HIVEP2: variants seen among roughly 807,000 people sequenced by gnomAD.
The protein encoded by HIVEP2 is transcription factor HIVEP2.
HIVEP2 carries 14 observed loss-of-function variants against 180.7 expected under a neutral mutation model. That is an observed-to-expected ratio of 0.08 (90% CI 0.05 to 0.12). The LOEUF (loss-of-function observed/expected upper bound fraction) is 0.12. HIVEP2 is among the 10% of genes least tolerant of loss of function. HIVEP2 has a pLI of 1.00. For synonymous variants in HIVEP2, 1,184 were observed against 1,136.4 expected, an observed-to-expected ratio of 1.04 and a Z score of -0.84; for missense variants, 2,579 against 3,008.5, an observed-to-expected ratio of 0.86 and a Z score of 3.34.
At position 142,753,835 on chromosome 6, in the gene HIVEP2, C is replaced by A. The variant is rs1289969583; in HGVS notation, c.6613G>T (p.Gly2205Cys). 2 of 1,613,844 alleles carry A rather than the reference C, an allele frequency of 1.2e-6. No homozygotes were observed. The highest frequency in any genetic ancestry group is 1.7e-6 in the Non-Finnish European group (2 of 1,179,780). ...EHPGSSLFPE[G>C]PNDYVFSHLP... Reference sequence around the variant, plus strand: ...TGACTGAAGACATAGTCATTAGGACCCTCAGGGAAAAGGCTGGAGCCTGGA... The same window carrying A: ...TGACTGAAGACATAGTCATTAGGACACTCAGGGAAAAGGCTGGAGCCTGGA... The change falls in exon 10 of 10, where the codon GGT (glycine) becomes TGT (cysteine). Residue 2205 changes from glycine to cysteine, a missense_variant. This residue lies in a region of HIVEP2 where 660 missense variants were observed against 731.7 expected (regional missense o/e 0.90). Transcript: ENST00000367603.
intron 1 of HIVEP2, among the ~76,000 whole-genome samples, chr6:142,916,974 C>G (rs1202239324): frequency 1.3e-5 from 2 of 152,214 alleles, no homozygotes; most frequent in African/African-American, 2.4e-5. Context: ...AAGGCTTCTA[C>G]TGTAGCATAA....
At position 142,774,789 on chromosome 6, in the gene HIVEP2, C is replaced by T. The variant is rs1369288692; in HGVS notation, c.-51G>A. The T allele has an allele frequency of 3.8e-6, 6 of 1,574,002 alleles. No individual in the cohort carries two copies. The Admixed American group carries it at 8.9e-5, about 23-fold the overall frequency. ...AGTTCCCCTGAAAGCAGTGCAGACT[C>T]ATGGAGTGTCTCCAAAGCTGTGCTT... is the stretch of plus-strand genomic sequence containing the variant. On this transcript the variant is annotated 5_prime_UTR_variant, in exon 5 of 10. The change abolishes an upstream ATG in the 5' untranslated region. Transcript: ENST00000367603. The surrounding 1 kb of genome is among the most constrained non-coding windows in gnomAD (Gnocchi z 5.1).
intron 2 of HIVEP2, among the ~76,000 whole-genome samples, chr6:142,792,578 G>T (rs1776165504): frequency 6.6e-6 from 1 of 152,212 alleles, no homozygotes; most frequent in East Asian, 1.9e-4. Flanking sequence ...AGGACAAGGG[G>T]AGGGAGAGCA....
chr6:142,773,003 G>A lies in HIVEP2; in HGVS notation c.1736C>T (p.Pro579Leu). 1 of 1,614,156 alleles carries A rather than the reference G, an allele frequency of 6.2e-7. No individual in the cohort carries two copies. The change falls in exon 5 of 10, where the codon CCA becomes CTA. Residue 579 changes from proline to leucine, a missense_variant. By Grantham distance (98) the Pro-to-Leu change is moderately conservative. Transcript: ENST00000367603. ...RMTGSDDVFY[P>L]GTVGIPPQRM... ...CTGAGGGGGTATGCCCACGGTCCCT[G>A]GATAGAATACATCGTCGGAACCAGT... is the stretch of plus-strand genomic sequence containing the variant.
chr6:142,917,545 G>A (rs1476026465), intron 1 of HIVEP2, among the ~76,000 whole-genome samples: 1 of 151,834 alleles, frequency 6.6e-6, no homozygotes, highest in Non-Finnish European at 1.5e-5. Context: ...CTAAATGATG[G>A]GAAAACATTA....
chr6:142,916,912 T>C (rs979389288), intron 1 of HIVEP2, among the ~76,000 whole-genome samples: 7 of 152,226 alleles, frequency 4.6e-5, no homozygotes, highest in African/African-American at 1.7e-4. Context: ...GTATACCATA[T>C]TATGATGGAA....
intron 1 of HIVEP2, among the ~76,000 whole-genome samples, chr6:142,880,866 G>A (rs1776560697): frequency 6.6e-6 from 1 of 152,104 alleles, no homozygotes; most frequent in Non-Finnish European, 1.5e-5. Context: ...AAAATAAAAT[G>A]TGTCTTCTCC....
At chr6:142,812,961 C>T (rs1562246108) in intron 2 of HIVEP2, among the ~76,000 whole-genome samples, 1 of 152,094 alleles carries the variant, frequency 6.6e-6, no homozygotes, top group Non-Finnish European at 1.5e-5. Flanking sequence ...TACTTGAAGT[C>T]CACAATTCTG....
At chr6:142,758,441 T>C (rs922752222) in intron 9 of HIVEP2, among the ~76,000 whole-genome samples, 3 of 152,130 alleles carry the variant, frequency 2.0e-5, no homozygotes, top group Admixed American at 2.0e-4. Context: ...AGGGCAGTGA[T>C]AAAACAGAGC....
chr6:142,899,836 G>A (rs1424579293), intron 1 of HIVEP2, among the ~76,000 whole-genome samples: 7 of 152,188 alleles, frequency 4.6e-5, no homozygotes, highest in Non-Finnish European at 8.8e-5. Flanking sequence ...AGAGGTGAAA[G>A]GAAAAGGGTG....
chr6:142,928,832 T>C (rs1419065087), intron 1 of HIVEP2, among the ~76,000 whole-genome samples: 1 of 152,238 alleles, frequency 6.6e-6, no homozygotes, highest in East Asian at 1.9e-4. Context: ...TCCTTATTCC[T>C]AACTGCAACC....
chr6:142,840,299 T>A (rs1217274435), intron 1 of HIVEP2, among the ~76,000 whole-genome samples: 2 of 5,282 alleles, frequency 3.8e-4, no homozygotes, highest in Admixed American at 2.1e-3. Flanking sequence ...TATTTATTTT[T>A]TTTTTTTTAA....
At chr6:142,816,354 C>T (rs1776834111) in intron 2 of HIVEP2, among the ~76,000 whole-genome samples, 4 of 152,168 alleles carry the variant, frequency 2.6e-5, no homozygotes. Context: ...CAGCCCATTT[C>T]CAGAATATAT....
At chr6:142,799,014 T>C (rs1776345596) in intron 2 of HIVEP2, among the ~76,000 whole-genome samples, 1 of 152,150 alleles carries the variant, frequency 6.6e-6, no homozygotes, top group South Asian at 2.1e-4. Flanking sequence ...ACTTTTATTA[T>C]TTGAGCTATA....
intron 1 of HIVEP2, among the ~76,000 whole-genome samples, chr6:142,903,334 T>G (rs1777177384): frequency 6.6e-6 from 1 of 152,236 alleles, no homozygotes; most frequent in African/African-American, 2.4e-5. Context: ...TAAGCATAAA[T>G]TTAAGAAACT....
In HIVEP2 at chr6:142,753,776, G is replaced by T. The variant is rs1329477591; in HGVS notation, c.6672C>A (p.Ala2224=). 2 of 1,614,046 alleles carry T rather than the reference G, an allele frequency of 1.2e-6. No homozygotes were observed. Among genetic ancestry groups the T allele is most frequent in the Non-Finnish European group, 1.7e-6 (2 of 1,180,038 alleles). ...LPLHSQQQVR[A]PIPMVPVGGI... is the part of the protein sequence containing the mutation. ...CACCAACGGGCACCATGGGGATAGG[G>T]GCTCGCACTTGTTGCTGAGAGTGGA... is the stretch of plus-strand genomic sequence containing the variant. Residue 2224 remains alanine (A), a synonymous_variant, in exon 10 of 10, where the codon GCC becomes GCA. Transcript: ENST00000367603.
rs141922859 is a variant in HIVEP2 at position 142,815,045 on chromosome 6, G to A, written c.-528+21890C>T. ...GAAGGGCAAAGACAGACAAGAGACC[G>A]CACAAGAGAGGGACAAAGGGGGCTA... On this transcript the variant is annotated intron_variant, in intron 2 of 9. Coordinates refer to ENST00000367603, the MANE Select transcript of HIVEP2 (RefSeq NM_006734.4). Among the ~76,000 whole-genome samples the A allele has an allele frequency of 3.3e-3, 499 of 152,238 alleles. 2 individuals are homozygous for A. The highest frequency in any genetic ancestry group is 0.011 in the African/African-American group (463 of 41,534).
chr6:142,810,350 T>C (rs538722628), intron 2 of HIVEP2, among the ~76,000 whole-genome samples: 2 of 152,316 alleles, frequency 1.3e-5, no homozygotes, highest in Non-Finnish European at 2.9e-5. Context: ...AGTAACCCCA[T>C]ACATAGTCCA....
rs1277067486 is a variant in HIVEP2, at chr6:142,760,072, G to A, written c.6216C>T (p.Pro2072=). ...RYLIPKGDLS[P]RRHLSPRRDL... The stretch of plus-strand genomic sequence containing the variant: ...CTCTCCTAGGTGATAAATGTCTCCT[G>A]GGAGATAAATCTCCTTTGGGTATCA... Residue 2072 remains proline, a synonymous_variant, in exon 9 of 10, where the codon CCC becomes CCT. Coordinates refer to ENST00000367603, the MANE Select transcript of HIVEP2 (RefSeq NM_006734.4). 1.2e-6 allele frequency: 2 copies of A among 1,613,438 alleles called. No individual in the cohort carries two copies. Among genetic ancestry groups the A allele is most frequent in the East Asian group, 2.2e-5 (1 of 44,872 alleles).
Sources: allele counts gnomAD v4.1 joint callset (sites outside exome capture counted in the v4.1 genomes callset), GRCh38; gene constraint gnomAD v4.1.1; regional missense constraint gnomAD v4.1.1; non-coding constraint Gnocchi (gnomAD v3.1); transcripts MANE v1.5; gene names NCBI Gene and HGNC (gene_info 2026-07-23, HGNC 2026-07-21).